Variants in TEX9 observed in about 807,000 individuals in gnomAD.
TEX9 encodes the protein testis-expressed protein 9.
In TEX9, 74 loss-of-function variants were observed where a neutral mutation model predicts 59.6. The ratio of observed to expected loss-of-function variants is 1.24; its 90% CI spans 1.03 to 1.51. TEX9 has a LOEUF of 1.51. TEX9 is among the 40% of genes most tolerant of loss of function. TEX9 has a pLI of 0.00. For synonymous variants in TEX9, 186 were observed against 152.2 expected (o/e 1.22, Z -1.64); for missense variants, 522 against 447.8 (o/e 1.17, Z -1.49).
At chr15:56,268,907 C>G (rs774685554) in intron 1 of TEX9, among the ~76,000 whole-genome samples, 1 of 152,006 alleles carries the variant, frequency 6.6e-6, no homozygotes, top group Non-Finnish European at 1.5e-5. Context: ...ATGGTACCAG[C>G]TCCTTTTTGT....
intron 12 of TEX9, chr15:56,431,589 A>C: frequency 7.8e-7 from 1 of 1,285,124 alleles, no homozygotes; most frequent in Non-Finnish European, 1.1e-6. Flanking sequence ...GAATTAGATA[A>C]AATTGATGAA....
intron 3 of TEX9, chr15:56,374,201 C>T (rs1346771982): frequency 6.6e-6 from 1 of 151,798 alleles, no homozygotes; most frequent in East Asian, 1.9e-4. Context: ...CAAAAGGACC[C>T]CACGTTATAG....
At chr15:56,279,482 T>G (rs2044762228) in intron 1 of TEX9, among the ~76,000 whole-genome samples, 1 of 152,216 alleles carries the variant, frequency 6.6e-6, no homozygotes, top group Non-Finnish European at 1.5e-5. Context: ...TATATAGTTA[T>G]CTAGTCAAAG....
intron 1 of TEX9, among the ~76,000 whole-genome samples, chr15:56,248,097 T>C (rs1400066681): frequency 4.6e-5 from 7 of 152,232 alleles, no homozygotes; most frequent in African/African-American, 1.7e-4. Context: ...TAAGTTTCAA[T>C]GCTGTAATGT....
In TEX9 at chr15:56,370,184, G is replaced by T. The variant is rs78940220; in HGVS notation, c.120-3257G>T. Among the ~76,000 whole-genome samples the T allele has an allele frequency of 7.8e-3, 1,182 of 152,146 alleles. 23 individuals carry two copies. Among genetic ancestry groups the T allele is most frequent in the East Asian group, 0.044 (229 of 5,186 alleles). The stretch of plus-strand genomic sequence containing the variant: ...GTTCTTGTCTGTCTTCTGCTGGATT[G>T]AATGGGTTTTCATTATGTCTTTATT... On this transcript the variant is annotated intron_variant, in intron 2 of 12. Transcript: ENST00000352903.
chr15:56,427,686 A>ATGAT lies in TEX9; in HGVS notation c.1046_1049dup (p.Gly351AspfsTer11), dbSNP rs755483301. Reference sequence around the variant, plus strand: ...GCTAGAAAAACAAAAAGGAGAATTAATGATAGGGTTCAAGAAACAGTTAAA... The same window carrying ATGAT: ...GCTAGAAAAACAAAAAGGAGAATTAATGATTGATAGGGTTCAAGAAACAGTTAAA... On this transcript the variant is annotated frameshift_variant, in exon 11 of 13. Transcript: ENST00000352903. LOFTEE classifies it high-confidence loss of function. 12 of 1,532,782 alleles carry ATGAT rather than the reference A, an allele frequency of 7.8e-6. No individual in the cohort carries two copies. Among genetic ancestry groups the ATGAT allele is most frequent in the African/African-American group, 7.1e-5 (5 of 70,578 alleles). 94.9% of individuals were successfully genotyped at this position (1,532,782 alleles called of 1,614,324 possible).
chr15:56,315,823 C>T lies in TEX9; in HGVS notation c.-106-57618C>T, dbSNP rs1404648207. The stretch of plus-strand genomic sequence containing the variant: ...TAGATTTGGTCTTTTCACATAGTCC[C>T]ATATTTCTTGGAGGCTTTGCTCATT... On this transcript the variant is annotated intron_variant, in intron 1 of 5. Transcript: ENST00000560827. Among the ~76,000 whole-genome samples, 105 of 148,848 alleles carry T rather than the reference C, an allele frequency of 7.1e-4. 5 individuals are homozygous for T. The highest frequency in any genetic ancestry group is 1.2e-3 in the Non-Finnish European group (83 of 66,852).
At chr15:56,378,752 C>T (rs2047578376) in intron 3 of TEX9, among the ~76,000 whole-genome samples, 2 of 151,582 alleles carry the variant, frequency 1.3e-5, no homozygotes, top group South Asian at 4.2e-4. Context: ...TTGGTTTGTT[C>T]TTGCTTTTCT....
chr15:56,382,817 A>C (rs1419347111), intron 3 of TEX9, among the ~76,000 whole-genome samples: 2 of 152,170 alleles, frequency 1.3e-5, no homozygotes, highest in Non-Finnish European at 2.9e-5. Context: ...TGTTGCTGTG[A>C]ACTGCACTGC....
chr15:56,358,072 A>G (rs1227735664), intron 1 of TEX9, among the ~76,000 whole-genome samples: 1 of 152,166 alleles, frequency 6.6e-6, no homozygotes, highest in Non-Finnish European at 1.5e-5. Flanking sequence ...CCGTTGGGGC[A>G]CTACCAGTCT....
At chr15:56,375,297 G>T (rs1272812538) in intron 3 of TEX9, among the ~76,000 whole-genome samples, 11 of 152,106 alleles carry the variant, frequency 7.2e-5, no homozygotes, top group Non-Finnish European at 1.6e-4. Flanking sequence ...GTGTTTTTTG[G>T]CCGCATAAAT....
downstream of TEX9, among the ~76,000 whole-genome samples, chr15:56,449,361 GCT>G (rs1423291607): frequency 6.6e-6 from 1 of 151,770 alleles, no homozygotes; most frequent in East Asian, 1.9e-4. Flanking sequence ...ATATCAATGG[GCT>G]TTTTCTAATC....
the TEX9 span, among the ~76,000 whole-genome samples, chr15:56,454,163 C>G: frequency 3.3e-4 from 50 of 152,194 alleles, 1 homozygote; most frequent in South Asian, 0.01. Flanking sequence ...GTATAAAATT[C>G]TGGTTGAGTT....
chr15:56,311,353 C>T (rs1481559129), intron 1 of TEX9, among the ~76,000 whole-genome samples: 1 of 140,416 alleles, frequency 7.1e-6, no homozygotes, highest in Non-Finnish European at 1.5e-5. Context: ...TCCATGTGAT[C>T]TCATTGTTCA....
intron 1 of TEX9, among the ~76,000 whole-genome samples, chr15:56,278,767 G>A (rs1011544813): frequency 7.9e-5 from 12 of 151,092 alleles, no homozygotes; most frequent in African/African-American, 2.7e-4. Context: ...CAAAAATTCA[G>A]TCTGTCATGA....
intron 10 of TEX9, among the ~76,000 whole-genome samples, chr15:56,413,535 A>G (rs2049514003): frequency 1.3e-5 from 2 of 151,016 alleles, no homozygotes; most frequent in African/African-American, 4.9e-5. Context: ...CTCTCTACCA[A>G]TTAAGCCACT....
chr15:56,268,269 A>C (rs1567067660), intron 1 of TEX9, among the ~76,000 whole-genome samples: 1 of 152,208 alleles, frequency 6.6e-6, no homozygotes, highest in Admixed American at 6.5e-5. Flanking sequence ...GTCATCTGCA[A>C]ACAGGGACAA....
At chr15:56,377,668 A>T (rs1390161022) in intron 3 of TEX9, among the ~76,000 whole-genome samples, 9 of 152,172 alleles carry the variant, frequency 5.9e-5, no homozygotes, top group Admixed American at 5.2e-4. Context: ...ATATAAGAGC[A>T]TATCATCTGT....
At chr15:56,353,936 C>A (rs2046633824) in intron 1 of TEX9, among the ~76,000 whole-genome samples, 1 of 152,190 alleles carries the variant, frequency 6.6e-6, no homozygotes, top group Non-Finnish European at 1.5e-5. Flanking sequence ...TTTTTCCAGT[C>A]TGCCTATTGC....
Sources: gnomAD v4.1 joint callset for allele counts (sites outside exome capture counted in the v4.1 genomes callset) on GRCh38, gnomAD v4.1.1 for gene constraint, MANE v1.5 for transcripts, NCBI Gene and HGNC (gene_info 2026-07-23, HGNC 2026-07-21) for gene names.